Variants in EXOC4 observed in about 807,000 individuals in gnomAD.
The protein encoded by EXOC4 is SEC8-like 1.
Under a neutral mutation model 107.2 loss-of-function variants are expected in EXOC4, and 71 were observed. That is an observed-to-expected ratio of 0.66 (90% CI 0.55 to 0.81). The LOEUF (loss-of-function observed/expected upper bound fraction) is 0.81, where lower values mean the gene tolerates loss of function less well. EXOC4 is among the 30% of genes least tolerant of loss of function. The probability of loss-of-function intolerance (pLI) is 0.00; values close to 1 mark genes in which losing one functional copy is unlikely to be tolerated. For synonymous variants in EXOC4, 456 were observed against 441.2 expected, an observed-to-expected ratio of 1.03 and a Z score of -0.42; for missense variants, 1,108 against 1,189.6, an observed-to-expected ratio of 0.93 and a Z score of 1.01.
rs551603511 is a variant in EXOC4 at position 133,275,928 on chromosome 7, C to G, written c.276+757C>G. ...TCAAGCAATCCTCCTGCCTGAGTCT[C>G]CCAAAGTGCTGGGATTATAGGTGTG... On this transcript the variant is annotated intron_variant, in intron 2 of 17. Coordinates refer to ENST00000253861, the MANE Select transcript of EXOC4 (RefSeq NM_021807.4). 2.6e-5 allele frequency among the ~76,000 whole-genome samples: 4 copies of G among 151,966 alleles called. No individual in the cohort carries two copies. In the South Asian group the frequency reaches 6.2e-4, roughly 24 times the overall value.
At chr7:134,075,798 T>C in the EXOC4 span, among the ~76,000 whole-genome samples, 31,696 of 151,970 alleles carry the variant, frequency 0.21, 4,988 homozygotes, top group African/African-American at 0.45. Context: ...TAATTACCTG[T>C]GTGAAACCCT....
intron 9 of EXOC4, chr7:133,484,018 T>C: frequency 6.2e-7 from 1 of 1,613,982 alleles, no homozygotes; most frequent in Non-Finnish European, 8.5e-7. Context: ...GGTTCATACG[T>C]CAACTTTTCC....
intron 11 of EXOC4, among the ~76,000 whole-genome samples, chr7:133,850,709 T>C (rs1181009835): frequency 6.0e-5 from 9 of 151,256 alleles, no homozygotes; most frequent in Admixed American, 5.9e-4. Flanking sequence ...CGGCCTCTGC[T>C]GAATACAGAC....
intron 9 of EXOC4, among the ~76,000 whole-genome samples, chr7:133,590,126 G>A (rs1037023768): frequency 6.6e-6 from 1 of 151,880 alleles, no homozygotes; most frequent in Non-Finnish European, 1.5e-5. Context: ...TCGAATTTCC[G>A]ATGTCTCCAC....
At chr7:134,072,207 T>C in the EXOC4 span, among the ~76,000 whole-genome samples, 2 of 152,202 alleles carry the variant, frequency 1.3e-5, no homozygotes, top group Admixed American at 6.5e-5. Flanking sequence ...TTAGCCTTCA[T>C]AGGGGAGGCA....
intron 10 of EXOC4, among the ~76,000 whole-genome samples, chr7:133,761,963 A>C (rs1423529060): frequency 6.6e-6 from 1 of 152,104 alleles, no homozygotes; most frequent in Non-Finnish European, 1.5e-5. Context: ...GCACGTGGAG[A>C]GTCATGTGGA....
chr7:133,495,238 G>A (rs949694082), intron 9 of EXOC4, among the ~76,000 whole-genome samples: 1 of 151,780 alleles, frequency 6.6e-6, no homozygotes. Context: ...GGTGACAAGA[G>A]CGAAACTGTC....
At chr7:133,321,020 A>G (rs1323447414) in intron 5 of EXOC4, among the ~76,000 whole-genome samples, 1 of 152,168 alleles carries the variant, frequency 6.6e-6, no homozygotes, top group Non-Finnish European at 1.5e-5. Context: ...AATTTAACAT[A>G]GGCTCTTAAA....
At chr7:133,597,858 A>G (rs1267623143) in intron 9 of EXOC4, among the ~76,000 whole-genome samples, 1 of 151,422 alleles carries the variant, frequency 6.6e-6, no homozygotes, top group Admixed American at 6.6e-5. Flanking sequence ...TAAAAATACA[A>G]AAAATTAGCC....
chr7:133,699,519 G>A (rs374106767), intron 10 of EXOC4, among the ~76,000 whole-genome samples: 134 of 152,264 alleles, frequency 8.8e-4, no homozygotes, highest in Admixed American at 2.3e-3. Flanking sequence ...GCATCAGTTC[G>A]TTAGTGGAAC....
chr7:133,281,073 C>T (rs138792004), intron 2 of EXOC4, among the ~76,000 whole-genome samples: 1 of 152,028 alleles, frequency 6.6e-6, no homozygotes, highest in Admixed American at 6.6e-5. Flanking sequence ...AGGGGAGCCT[C>T]TCAGAATTTC....
chr7:133,657,648 G>A (rs1001453874), intron 10 of EXOC4, among the ~76,000 whole-genome samples: 1 of 152,098 alleles, frequency 6.6e-6, no homozygotes, highest in African/African-American at 2.4e-5. Flanking sequence ...AGTTGGTTAC[G>A]AAGGCTGTGT....
At chr7:133,505,755 G>A (rs1467875375) in intron 9 of EXOC4, among the ~76,000 whole-genome samples, 1 of 152,022 alleles carries the variant, frequency 6.6e-6, no homozygotes, top group African/African-American at 2.4e-5. Context: ...AATAACAAAA[G>A]CTTGATGTTC....
At chr7:134,003,425 G>A (rs1483441323) in intron 15 of EXOC4, among the ~76,000 whole-genome samples, 2 of 152,130 alleles carry the variant, frequency 1.3e-5, no homozygotes, top group Non-Finnish European at 2.9e-5. Flanking sequence ...ACACTAAAAG[G>A]GGGGAGTTAT....
intron 17 of EXOC4, among the ~76,000 whole-genome samples, chr7:134,028,089 C>G (rs1195115399): frequency 6.6e-6 from 1 of 152,198 alleles, no homozygotes; most frequent in Non-Finnish European, 1.5e-5. Context: ...TACTAGAATC[C>G]TCTGGAGGAG....
intron 17 of EXOC4, among the ~76,000 whole-genome samples, chr7:134,010,681 C>T (rs1163794315): frequency 6.6e-6 from 1 of 152,186 alleles, no homozygotes; most frequent in Admixed American, 6.5e-5. Context: ...GTATTTCCAG[C>T]AAATCTCTAT....
chr7:133,768,459 G>A (rs1796181754), intron 10 of EXOC4: 1 of 151,904 alleles, frequency 6.6e-6, no homozygotes, highest in Non-Finnish European at 1.5e-5. Context: ...AAATACTGCA[G>A]AGAAATCTAC....
At chr7:134,077,862 A>G in the EXOC4 span, among the ~76,000 whole-genome samples, 1 of 152,250 alleles carries the variant, frequency 6.6e-6, no homozygotes, top group South Asian at 2.1e-4. Flanking sequence ...TACTTCTTAG[A>G]TAAAACAGAA....
intron 6 of EXOC4, among the ~76,000 whole-genome samples, chr7:133,362,609 G>T (rs1192017999): frequency 1.3e-5 from 2 of 152,156 alleles, no homozygotes; most frequent in African/African-American, 4.8e-5. Context: ...TTGGAGGCCA[G>T]AATTCAGAAT....
Sources: gnomAD v4.1 joint callset for allele counts (sites outside exome capture counted in the v4.1 genomes callset) on GRCh38, gnomAD v4.1.1 for gene constraint, MANE v1.5 for transcripts, NCBI Gene and HGNC (gene_info 2026-07-23, HGNC 2026-07-21) for gene names.